The following PCDHAC1 variants were observed in gnomAD, a reference collection of about 807,000 sequenced individuals.
PCDHAC1 encodes protocadherin alpha subfamily C, 1, also known as protocadherin alpha-C1.
Under a neutral mutation model 60.0 loss-of-function variants are expected in PCDHAC1, and 42 were observed. The ratio of observed to expected loss-of-function variants is 0.70; its 90% confidence interval spans 0.55 to 0.90. The LOEUF (loss-of-function observed/expected upper bound fraction) is 0.90, where lower values mean the gene tolerates loss of function less well. PCDHAC1 is among the 40% of genes least tolerant of loss of function. PCDHAC1 has a pLI of 0.00. For synonymous variants in PCDHAC1, 468 were observed against 499.3 expected, an observed-to-expected ratio of 0.94 and a Z score of 0.84; for missense variants, 1,160 against 1,222.3, an observed-to-expected ratio of 0.95 and a Z score of 0.76.
chr5:141,009,929 G>T lies in PCDHAC1; in HGVS notation c.2884G>T (p.Asp962Tyr). Residue 962 changes from aspartate to tyrosine, a missense_variant, in exon 4 of 4, where the codon GAC becomes TAC. This residue lies in a region of PCDHAC1 where 1,113 missense variants were observed against 1,163.7 expected (regional missense o/e 0.96). Transcript: ENST00000253807. Reference protein sequence around the residue: ...EKGNSTTDNSDQ With the variant: ...EKGNSTTDNSYQ ...AGGGAACAGCACGACTGACAACAGT[G>T]ACCAGTGAGGTCCTCAAATGGAAAC... 1 of 1,603,730 alleles carries T rather than the reference G, an allele frequency of 6.2e-7. No homozygotes were observed. The highest frequency in any genetic ancestry group is 1.1e-5 in the South Asian group (1 of 89,000).
chr5:140,967,217 C>T, intron 1 of PCDHAC1: 1 of 1,613,682 alleles, frequency 6.2e-7, no homozygotes, highest in Non-Finnish European at 8.5e-7. Flanking sequence ...TTTCCCGCGG[C>T]CCAACTACCA....
rs78042832 is a variant in PCDHAC1, at chr5:140,978,370, A to G, written c.2434-579A>G. Among the ~76,000 whole-genome samples, 198 of 152,318 alleles carry G rather than the reference A, an allele frequency of 1.3e-3. 1 individual carries two copies. The East Asian group carries it at 0.027, about 21-fold the overall frequency. On this transcript the variant is annotated intron_variant, in intron 1 of 3. Transcript: ENST00000253807. ...TAGCAAAACAAGGTCAAACTCTGCA[A>G]TAGTTTGTTTTCCTCTCCCTAGTAT...
At chr5:140,963,608 G>A (rs1308315109) in intron 1 of PCDHAC1, among the ~76,000 whole-genome samples, 2 of 152,186 alleles carry the variant, frequency 1.3e-5, no homozygotes, top group African/African-American at 2.4e-5. Context: ...ACGTAATTGG[G>A]AAAGCTTAAC....
At chr5:140,937,291 C>T (rs940890612) in intron 1 of PCDHAC1, among the ~76,000 whole-genome samples, 1 of 152,104 alleles carries the variant, frequency 6.6e-6, no homozygotes, top group African/African-American at 2.4e-5. Flanking sequence ...CCCGCTTCGG[C>T]CTCCCAAAGT....
At chr5:140,948,564 T>C (rs1329949756) in intron 1 of PCDHAC1, among the ~76,000 whole-genome samples, 1 of 151,688 alleles carries the variant, frequency 6.6e-6, no homozygotes, top group Non-Finnish European at 1.5e-5. Flanking sequence ...TTAAGTTGTA[T>C]TTTTTAAAGG....
intron 3 of PCDHAC1, among the ~76,000 whole-genome samples, chr5:140,992,954 C>G (rs1174073844): frequency 6.6e-6 from 1 of 152,190 alleles, no homozygotes; most frequent in Non-Finnish European, 1.5e-5. Context: ...TTAAATCACC[C>G]CTTATACTGC....
At chr5:141,002,726 A>C (rs1488452359) in intron 3 of PCDHAC1, among the ~76,000 whole-genome samples, 1 of 152,250 alleles carries the variant, frequency 6.6e-6, no homozygotes, top group Non-Finnish European at 1.5e-5. Context: ...GGAAGGGCAC[A>C]GTAAATGTTA....
At chr5:140,935,981 C>T (rs1206046231) in intron 1 of PCDHAC1, among the ~76,000 whole-genome samples, 2 of 151,096 alleles carry the variant, frequency 1.3e-5, no homozygotes, top group Non-Finnish European at 2.9e-5. Context: ...CAATCTCTGC[C>T]TCCCGGGTTC....
chr5:140,982,784 C>T (rs568886944), intron 3 of PCDHAC1, among the ~76,000 whole-genome samples: 9 of 151,444 alleles, frequency 5.9e-5, no homozygotes, highest in South Asian at 2.1e-4. Flanking sequence ...TGTGTGTGCA[C>T]GCATGTGTGC....
chr5:141,000,421 ATT>A (rs34755515), intron 3 of PCDHAC1, among the ~76,000 whole-genome samples: 627 of 27,724 alleles, frequency 0.023, 1 homozygote, highest in Middle Eastern at 0.071. Context: ...ATATATATAT[ATT>A]TTTTTTTTTT....
In PCDHAC1 at chr5:140,980,214, C is replaced by T. The variant is rs2096880494; in HGVS notation, c.2492+1207C>T. 2.0e-5 allele frequency among the ~76,000 whole-genome samples: 3 copies of T among 152,212 alleles called. No homozygotes were observed. The South Asian group carries it at 6.2e-4, about 31-fold the overall frequency. The stretch of plus-strand genomic sequence containing the variant: ...ATTAGAGACCAACTTGTGCTTTTGC[C>T]TGCATCTGAGCTGTTGGTGGAGACA... On this transcript the variant is annotated intron_variant, in intron 2 of 3. Transcript: ENST00000253807.
At chr5:140,959,269 C>A (rs1334380683) in intron 1 of PCDHAC1, among the ~76,000 whole-genome samples, 1 of 151,924 alleles carries the variant, frequency 6.6e-6, no homozygotes, top group Non-Finnish European at 1.5e-5. Flanking sequence ...CCCAGCTACC[C>A]AGGAGCCTGA....
chr5:140,980,363 G>A (rs1477868054), intron 2 of PCDHAC1, among the ~76,000 whole-genome samples: 1 of 152,204 alleles, frequency 6.6e-6, no homozygotes, highest in Non-Finnish European at 1.5e-5. Context: ...TGGGCGCGGT[G>A]GCTCACACCT....
At chr5:140,956,020 T>C (rs2095249402) in intron 1 of PCDHAC1, among the ~76,000 whole-genome samples, 1 of 152,240 alleles carries the variant, frequency 6.6e-6, no homozygotes, top group Non-Finnish European at 1.5e-5. Context: ...TTTGCTGAAG[T>C]TGCTTATCAG....
intron 1 of PCDHAC1, chr5:140,929,724 TA>T (rs2086341478): frequency 4.6e-6 from 1 of 218,158 alleles, no homozygotes; most frequent in Admixed American, 5.9e-5. Flanking sequence ...GTGAAACATT[TA>T]CTTAAACTAT....
chr5:140,948,943 A>G (rs2094326850), intron 1 of PCDHAC1, among the ~76,000 whole-genome samples: 1 of 71,272 alleles, frequency 1.4e-5, no homozygotes, highest in African/African-American at 4.3e-5. Context: ...CTTCTAATAT[A>G]AAAAAATTAA....
In PCDHAC1 at chr5:141,009,880, C is replaced by G; in HGVS notation, c.2835C>G (p.Asn945Lys). The G allele has an allele frequency of 6.2e-7, 1 of 1,613,788 alleles. No individual in the cohort carries two copies. The highest frequency in any genetic ancestry group is 1.1e-5 in the South Asian group (1 of 91,042). The change falls in exon 4 of 4, where the codon AAC (asparagine) becomes AAG (lysine). Residue 945 changes from asparagine to lysine, a missense_variant. By Grantham distance (94) the Asn-to-Lys change is moderately conservative. Transcript: ENST00000253807. ...TKKKKKKKKGNKTQEKKEKGN... is the reference protein window; with the variant it reads ...TKKKKKKKKGKKTQEKKEKGN... ...AAAAGAAGAAAAAGAAGAAGGGTAA[C>G]AAGACCCAGGAGAAAAAAGAGAAAG...
Position 140,966,881 on chromosome 5 carries a change from C to T in PCDHAC1, c.2434-12068C>T, listed in dbSNP as rs2096065304. 4.4e-6 allele frequency: 7 copies of T among 1,588,952 alleles called. No individual in the cohort carries two copies. In the South Asian group the frequency reaches 6.7e-5, roughly 15 times the overall value. ...GCTGTTGCTGCTGCTGCTACCTGGC[C>T]CTGCGGCCTCCCAGCTGCGATACTC... On this transcript the variant is annotated intron_variant, in intron 1 of 3. Coordinates refer to ENST00000253807, the MANE Select transcript of PCDHAC1 (RefSeq NM_018898.5).
intron 3 of PCDHAC1, among the ~76,000 whole-genome samples, chr5:141,005,544 A>G (rs1197838847): frequency 6.6e-6 from 1 of 151,492 alleles, no homozygotes; most frequent in Non-Finnish European, 1.5e-5. Flanking sequence ...TCTACTAAAA[A>G]TACAAAAATT....
Sources: gnomAD v4.1 joint callset for allele counts (sites outside exome capture counted in the v4.1 genomes callset) on GRCh38, gnomAD v4.1.1 for gene constraint, gnomAD v4.1.1 regional missense constraint, MANE v1.5 for transcripts, NCBI Gene and HGNC (gene_info 2026-07-23, HGNC 2026-07-21) for gene names.